The following TMCO4 variants were observed in gnomAD, a reference collection of about 807,000 sequenced individuals.
The protein encoded by TMCO4 is transmembrane and coiled-coil domain-containing protein 4.
TMCO4 carries 58 observed loss-of-function variants against 64.7 expected under a neutral mutation model. The observed-to-expected ratio is 0.90, with a 90% confidence interval of 0.73 to 1.12. The LOEUF is 1.12. Among genes scored for constraint, TMCO4 ranks in the 50% most tolerant of loss-of-function variants. The pLI, the probability that TMCO4 is intolerant of heterozygous loss-of-function variation, is 0.00. For synonymous variants in TMCO4, 325 were observed against 346.1 expected (o/e 0.94, Z 0.68); for missense variants, 780 against 825.9 (o/e 0.94, Z 0.68).
At chr1:19,762,727 G>C (rs555391531) in intron 6 of TMCO4, among the ~76,000 whole-genome samples, 1 of 152,302 alleles carries the variant, frequency 6.6e-6, no homozygotes, top group East Asian at 1.9e-4. Flanking sequence ...CCCAAATCAG[G>C]AGCGGGGGGC....
At chr1:19,702,258 C>T (rs1417358905) in intron 13 of TMCO4, among the ~76,000 whole-genome samples, 1 of 142,670 alleles carries the variant, frequency 7.0e-6, no homozygotes, top group Non-Finnish European at 1.5e-5. Flanking sequence ...CGTGAGCCAC[C>T]GTGCCTGGCC....
intron 7 of TMCO4, among the ~76,000 whole-genome samples, chr1:19,754,406 A>G (rs2042154091): frequency 6.6e-6 from 1 of 152,148 alleles, no homozygotes; most frequent in Non-Finnish European, 1.5e-5. Context: ...TAGTATGTCT[A>G]CAGGTTATTT....
chr1:19,749,839 A>C (rs2041950581), intron 7 of TMCO4, among the ~76,000 whole-genome samples: 1 of 152,238 alleles, frequency 6.6e-6, no homozygotes. Context: ...ATGAACAAGA[A>C]ATACACCTTT....
intron 10 of TMCO4, among the ~76,000 whole-genome samples, chr1:19,744,031 C>A (rs980198504): frequency 2.0e-5 from 3 of 152,210 alleles, no homozygotes; most frequent in African/African-American, 7.2e-5. Flanking sequence ...CGCCTGGTGA[C>A]ACCTCTAAAT....
rs2041748753 is a variant in TMCO4, at chr1:19,745,795, A to C, written c.758-144T>G. 4.3e-6 allele frequency: 5 copies of C among 1,161,098 alleles called. No homozygotes were observed. In the Middle Eastern group the frequency reaches 9.0e-4, roughly 209 times the overall value. 71.9% of individuals were successfully genotyped at this position (1,161,098 alleles called of 1,614,324 possible). ...AAAAACACATTTTGTGTTTGAACTC[A>C]TTAAGGTAGGTGCCACTATTGTCCC... On this transcript the variant is annotated intron_variant, in intron 9 of 15. Coordinates refer to ENST00000294543, the MANE Select transcript of TMCO4 (RefSeq NM_181719.7).
rs111552037 is a variant in TMCO4, at chr1:19,692,788, G to C, written c.1500+1646C>G. ...CAAATAAATAAATAGGCTTAGGGCAGAGCGGGACATAGAGTGAGTGTCCAC... is the reference window on the plus strand; with the variant it reads ...CAAATAAATAAATAGGCTTAGGGCACAGCGGGACATAGAGTGAGTGTCCAC... On this transcript the variant is annotated intron_variant, in intron 15 of 15. Transcript: ENST00000294543. Among the ~76,000 whole-genome samples, 1,135 of 152,018 alleles carry C rather than the reference G, an allele frequency of 7.5e-3. 17 individuals are homozygous for C. The highest frequency in any genetic ancestry group is 0.026 in the African/African-American group (1,071 of 41,456).
At chr1:19,684,059 G>A (rs1183441846) in intron 15 of TMCO4, among the ~76,000 whole-genome samples, 2 of 135,986 alleles carry the variant, frequency 1.5e-5, no homozygotes, top group Admixed American at 7.1e-5. Context: ...ACTGTGCCCG[G>A]CAGCTTTTTT....
chr1:19,783,590 T>G (rs773239236), intron 3 of TMCO4, among the ~76,000 whole-genome samples: 1 of 152,228 alleles, frequency 6.6e-6, no homozygotes, highest in Non-Finnish European at 1.5e-5. Flanking sequence ...ACAAAGCATT[T>G]TCCAGTCTGC....
chr1:19,757,645 C>G (rs1350286248), intron 6 of TMCO4, among the ~76,000 whole-genome samples: 1 of 152,168 alleles, frequency 6.6e-6, no homozygotes, highest in African/African-American at 2.4e-5. Context: ...CTCTGCATCA[C>G]TCCTTCCTTT....
intron 6 of TMCO4, among the ~76,000 whole-genome samples, chr1:19,767,282 T>C (rs1235128923): frequency 3.9e-5 from 6 of 152,250 alleles, no homozygotes; most frequent in South Asian, 2.1e-4. Flanking sequence ...GAGGATGAAA[T>C]GAAACAGTGA....
At chr1:19,735,015 C>T (rs1029435772) in intron 13 of TMCO4, among the ~76,000 whole-genome samples, 3 of 152,190 alleles carry the variant, frequency 2.0e-5, no homozygotes, top group African/African-American at 7.2e-5. Flanking sequence ...GCTCCTTCAT[C>T]TTCCTGACCA....
At chr1:19,740,744 T>C (rs201398021) in intron 11 of TMCO4, 33 bp downstream of exon 11, 8 of 1,588,152 alleles carry the variant, frequency 5.0e-6, no homozygotes, top group East Asian at 2.2e-5. Context: ...GCAGTGGGCA[T>C]GCTGTTGTTG....
intron 13 of TMCO4, among the ~76,000 whole-genome samples, chr1:19,730,934 A>ATTGGG (rs745744977): frequency 1.3e-5 from 2 of 152,218 alleles, no homozygotes; most frequent in Non-Finnish European, 2.9e-5. Context: ...CTTAACTCAG[A>ATTGGG]TAATGACAGC....
At chr1:19,788,274 A>G (rs115593538) in intron 2 of TMCO4, among the ~76,000 whole-genome samples, 3,539 of 152,318 alleles carry the variant, frequency 0.023, 142 homozygotes, top group African/African-American at 0.081. Flanking sequence ...CTGGAAGAAC[A>G]GCCTCCAAAA....
In TMCO4 at chr1:19,796,274, C is replaced by T. The variant is rs370645531; in HGVS notation, c.-101+1863G>A. 3.7e-4 allele frequency among the ~76,000 whole-genome samples: 56 copies of T among 152,272 alleles called. 1 individual carries two copies. In the South Asian group the frequency reaches 0.011, roughly 30 times the overall value. ...CCTGTGTGACCTCAAACCCCAAGTCCTTCTCCACTTTACTAAGGTGGGGGG... is the reference window on the plus strand; with the variant it reads ...CCTGTGTGACCTCAAACCCCAAGTCTTTCTCCACTTTACTAAGGTGGGGGG... On this transcript the variant is annotated intron_variant, in intron 2 of 15. Coordinates refer to ENST00000294543, the MANE Select transcript of TMCO4 (RefSeq NM_181719.7).
At chr1:19,748,931 G>T (rs936558468) in intron 7 of TMCO4, among the ~76,000 whole-genome samples, 1 of 152,206 alleles carries the variant, frequency 6.6e-6, no homozygotes, top group Non-Finnish European at 1.5e-5. Flanking sequence ...TTGGTTCCCT[G>T]CCCGTTCACC....
chr1:19,737,489 G>A (rs779891270), intron 12 of TMCO4, 33 bp from the exon 13 acceptor site: 26 of 1,604,320 alleles, frequency 1.6e-5, no homozygotes, highest in Non-Finnish European at 2.2e-5. Context: ...TGTCTGGAAG[G>A]AATACTGCCA....
chr1:19,713,253 T>G (rs1048436820), intron 13 of TMCO4, among the ~76,000 whole-genome samples: 1 of 151,960 alleles, frequency 6.6e-6, no homozygotes, highest in Non-Finnish European at 1.5e-5. Context: ...ATTATGGCCG[T>G]TTTTTGCCAT....
intron 13 of TMCO4, among the ~76,000 whole-genome samples, chr1:19,718,150 T>C (rs2095365129): frequency 6.6e-6 from 1 of 151,948 alleles, no homozygotes; most frequent in Non-Finnish European, 1.5e-5. Flanking sequence ...CTGGCCAACA[T>C]GGTGAAACCC....
Sources: gnomAD v4.1 joint callset for allele counts (sites outside exome capture counted in the v4.1 genomes callset) on GRCh38, gnomAD v4.1.1 for gene constraint, MANE v1.5 for transcripts, NCBI Gene and HGNC (gene_info 2026-07-23, HGNC 2026-07-21) for gene names.